DLGAP2: variants seen among roughly 807,000 people sequenced by gnomAD.
The protein encoded by DLGAP2 is DLG associated protein 2.
DLGAP2 carries 26 observed loss-of-function variants against 100.3 expected under a neutral mutation model. The observed-to-expected ratio is 0.26, with a 90% CI of 0.19 to 0.36. The LOEUF is 0.36. Among genes scored for constraint, DLGAP2 ranks in the 10% least tolerant of loss-of-function variants. The pLI, the probability that DLGAP2 is intolerant of heterozygous loss-of-function variation, is 1.00. For missense variants in DLGAP2, 1,858 were observed against 1,453.2 expected (o/e 1.28, Z -4.53); for synonymous variants, 886 against 630.1 (o/e 1.41, Z -6.08).
At chr8:935,492 C>G (rs886875606) in intron 2 of DLGAP2, among the ~76,000 whole-genome samples, 1 of 152,152 alleles carries the variant, frequency 6.6e-6, no homozygotes, top group Non-Finnish European at 1.5e-5. Flanking sequence ...ATTAAATAAA[C>G]TATATTAAAA....
chr8:1,623,048 A>T (rs1022698638), intron 6 of DLGAP2, among the ~76,000 whole-genome samples: 4 of 152,214 alleles, frequency 2.6e-5, no homozygotes, highest in African/African-American at 7.2e-5. Flanking sequence ...ACTCTATATG[A>T]TAAAATGCTA....
intron 1 of DLGAP2, among the ~76,000 whole-genome samples, chr8:880,072 T>G (rs910382630): frequency 6.6e-6 from 1 of 152,206 alleles, no homozygotes; most frequent in Admixed American, 6.5e-5. Flanking sequence ...TCCTGCTGCT[T>G]CCAAATTCAT....
At chr8:1,412,314 C>G (rs6558469) in intron 3 of DLGAP2, among the ~76,000 whole-genome samples, 40,565 of 152,140 alleles carry the variant, frequency 0.27, 5,543 homozygotes, top group East Asian at 0.35. Context: ...TTCTGAGGCT[C>G]CATTCTCTCC....
chr8:862,390 C>T (rs1797409813), intron 1 of DLGAP2, among the ~76,000 whole-genome samples: 1 of 151,946 alleles, frequency 6.6e-6, no homozygotes, highest in Admixed American at 6.6e-5. Context: ...GCGGCCTCCG[C>T]CTTCCGGGTT....
intron 2 of DLGAP2, among the ~76,000 whole-genome samples, chr8:1,200,529 T>G (rs938990576): frequency 6.6e-6 from 1 of 152,180 alleles, no homozygotes; most frequent in Non-Finnish European, 1.5e-5. Flanking sequence ...CTGATTGTTC[T>G]CTGGTCTGAC....
Position 1,410,334 on chromosome 8 carries a change from G to A in DLGAP2, c.107-91032G>A, listed in dbSNP as rs143564176. Among the ~76,000 whole-genome samples, 353 of 152,294 alleles carry A rather than the reference G, an allele frequency of 2.3e-3. 1 individual carries two copies. Among genetic ancestry groups the A allele is most frequent in the African/African-American group, 7.9e-3 (330 of 41,560 alleles). ...GGCATGGCTTCACGCGTGCGGCACC[G>A]TGGCCCAGGCAGCCTCACGGTGAGG... On this transcript the variant is annotated intron_variant, in intron 3 of 14. Coordinates refer to ENST00000637795, the MANE Select transcript of DLGAP2 (RefSeq NM_001346810.2).
chr8:1,455,647 C>T (rs1584921696), intron 3 of DLGAP2, among the ~76,000 whole-genome samples: 1 of 152,340 alleles, frequency 6.6e-6, no homozygotes, highest in Admixed American at 6.5e-5. Context: ...CAGGGCCAGT[C>T]CCACTGCCAG....
chr8:1,509,341 A>C (rs1337960407), intron 4 of DLGAP2, among the ~76,000 whole-genome samples: 5 of 139,288 alleles, frequency 3.6e-5, no homozygotes, highest in Admixed American at 7.6e-5. Flanking sequence ...AAAAAAAAAA[A>C]AAACCGTATA....
intron 2 of DLGAP2, among the ~76,000 whole-genome samples, chr8:1,152,971 G>C (rs117184178): frequency 2.0e-5 from 3 of 152,224 alleles, no homozygotes; most frequent in South Asian, 4.2e-4. Flanking sequence ...TGATGTATTT[G>C]GCACTATTAA....
At chr8:1,026,979 G>A (rs1224449363) in intron 2 of DLGAP2, among the ~76,000 whole-genome samples, 9 of 152,132 alleles carry the variant, frequency 5.9e-5, no homozygotes, top group Admixed American at 2.6e-4. Flanking sequence ...TACATTGTAC[G>A]CTTAAAAGTT....
Position 1,179,835 on chromosome 8 carries a change from C to G in DLGAP2, c.74-79016C>G, listed in dbSNP as rs559570413. The stretch of plus-strand genomic sequence containing the variant: ...CCCTTACATTTATACCCAGTGATTG[C>G]TAAGAATAGACTGAAAGATATTCAG... On this transcript the variant is annotated intron_variant, in intron 2 of 14. Coordinates refer to ENST00000637795, the MANE Select transcript of DLGAP2 (RefSeq NM_001346810.2). Among the ~76,000 whole-genome samples, 3 of 152,146 alleles carry G rather than the reference C, an allele frequency of 2.0e-5. No individual in the cohort carries two copies. The East Asian group carries it at 5.8e-4, about 29-fold the overall frequency.
At chr8:1,255,587 T>TGG (rs1799182577) in intron 2 of DLGAP2, among the ~76,000 whole-genome samples, 1 of 99,506 alleles carries the variant, frequency 1.0e-5, no homozygotes, top group Non-Finnish European at 1.8e-5. Flanking sequence ...CTTTCCTGCC[T>TGG]GAGCACTGTA....
intron 12 of DLGAP2, among the ~76,000 whole-genome samples, chr8:1,685,628 G>C (rs1400496404): frequency 6.6e-6 from 1 of 151,910 alleles, no homozygotes; most frequent in African/African-American, 2.4e-5. Flanking sequence ...ACAGGAAAAG[G>C]AAACAGCAGA....
chr8:874,238 G>A (rs1327971400), intron 1 of DLGAP2, among the ~76,000 whole-genome samples: 1 of 149,900 alleles, frequency 6.7e-6, no homozygotes, highest in Non-Finnish European at 1.5e-5. Context: ...TCTTTTTTCT[G>A]CCTGCTTTAC....
intron 2 of DLGAP2, among the ~76,000 whole-genome samples, chr8:1,029,541 A>C (rs1801915223): frequency 6.6e-6 from 1 of 152,192 alleles, no homozygotes; most frequent in South Asian, 2.1e-4. Flanking sequence ...AGGACGACCA[A>C]CGGTGTCCAG....
chr8:1,131,133 G>C (rs887778734), intron 2 of DLGAP2, among the ~76,000 whole-genome samples: 5 of 152,300 alleles, frequency 3.3e-5, no homozygotes, highest in African/African-American at 1.2e-4. Context: ...CAGAAGAAAA[G>C]CAGTAATTCT....
chr8:960,677 G>T (rs556604842), intron 2 of DLGAP2, among the ~76,000 whole-genome samples: 1 of 152,302 alleles, frequency 6.6e-6, no homozygotes, highest in South Asian at 2.1e-4. Context: ...ATAGATACTG[G>T]AAATTGGACA....
At chr8:1,541,823 T>C (rs1255749737) in intron 4 of DLGAP2, among the ~76,000 whole-genome samples, 1 of 152,264 alleles carries the variant, frequency 6.6e-6, no homozygotes, top group Admixed American at 6.5e-5. Flanking sequence ...TATACCTTGC[T>C]TCTTTTCATG....
intron 6 of DLGAP2, among the ~76,000 whole-genome samples, chr8:1,597,379 G>GTT (rs34775138): frequency 0.045 from 6,756 of 150,160 alleles, 183 homozygotes; most frequent in South Asian, 0.063. Context: ...ATTTAAAGTA[G>GTT]TTTTTTTTTT....
Sources: allele counts gnomAD v4.1 joint callset (sites outside exome capture counted in the v4.1 genomes callset), GRCh38; gene constraint gnomAD v4.1.1; transcripts MANE v1.5; gene names NCBI Gene and HGNC (gene_info 2026-07-23, HGNC 2026-07-21).